CCDC3: variants seen among roughly 807,000 people sequenced by gnomAD.
The protein encoded by CCDC3 is coiled-coil domain-containing protein 3.
In CCDC3, 24 loss-of-function variants were observed where a neutral mutation model predicts 21.4. That is an observed-to-expected ratio of 1.12 (90% CI 0.81 to 1.58). CCDC3 has a LOEUF of 1.58. Among genes scored for constraint, CCDC3 ranks in the 40% most tolerant of loss-of-function variants. The probability of loss-of-function intolerance (pLI) is 0.00; values close to 1 mark genes in which losing one functional copy is unlikely to be tolerated. For missense variants in CCDC3, 425 were observed against 360.9 expected, an observed-to-expected ratio of 1.18 and a Z score of -1.44; for synonymous variants, 186 against 166.0, an observed-to-expected ratio of 1.12 and a Z score of -0.93.
intron 2 of CCDC3, among the ~76,000 whole-genome samples, chr10:12,931,262 CA>C (rs1487962214): frequency 6.8e-6 from 1 of 147,194 alleles, no homozygotes; most frequent in Non-Finnish European, 1.5e-5. Flanking sequence ...CTGCCGTATT[CA>C]TAAGACTTTA....
At chr10:13,008,357 G>A (rs1361491615) in intron 5 of CCDC3, among the ~76,000 whole-genome samples, 2 of 152,188 alleles carry the variant, frequency 1.3e-5, no homozygotes, top group Admixed American at 6.5e-5. Context: ...CCCAAGCCAG[G>A]GAGTCAGAGG....
intron 2 of CCDC3, chr10:12,924,556 G>A (rs941383909): frequency 6.6e-6 from 1 of 152,286 alleles, no homozygotes; most frequent in Non-Finnish European, 1.5e-5. Context: ...TGATCTCTAC[G>A]AGAGGCCCAA....
intron 2 of CCDC3, among the ~76,000 whole-genome samples, chr10:12,946,169 G>A (rs1453144719): frequency 6.6e-6 from 1 of 152,146 alleles, no homozygotes; most frequent in Non-Finnish European, 1.5e-5. Flanking sequence ...AACATAACAA[G>A]TCATTCAACA....
intron 3 of CCDC3, among the ~76,000 whole-genome samples, chr10:13,086,366 A>G (rs1837104832): frequency 6.6e-6 from 1 of 152,254 alleles, no homozygotes; most frequent in Non-Finnish European, 1.5e-5. Flanking sequence ...CAAGTCATTG[A>G]GTAAATATTC....
At chr10:13,004,572 A>C (rs1589037676), upstream of CCDC3, among the ~76,000 whole-genome samples, 2 of 94,258 alleles carry the variant, frequency 2.1e-5, no homozygotes, top group African/African-American at 4.2e-5. Context: ...CCCACCCCCC[A>C]CCCCAAGATG....
At chr10:13,024,890 T>A (rs571525478) in intron 5 of CCDC3, among the ~76,000 whole-genome samples, 1 of 152,308 alleles carries the variant, frequency 6.6e-6, no homozygotes, top group Admixed American at 6.5e-5. Flanking sequence ...CCCATAGGAA[T>A]CTCCTCATTG....
chr10:12,923,539 C>T (rs1255310564), intron 2 of CCDC3, among the ~76,000 whole-genome samples: 1 of 152,190 alleles, frequency 6.6e-6, no homozygotes, highest in African/African-American at 2.4e-5. Flanking sequence ...CTCTGGCCTC[C>T]TATGGCTCTT....
intron 2 of CCDC3, among the ~76,000 whole-genome samples, chr10:12,931,461 A>T (rs983757997): frequency 5.9e-5 from 9 of 152,240 alleles, no homozygotes; most frequent in East Asian, 5.8e-4. Context: ...GAATGAATTT[A>T]GAGTCCATCC....
intron 5 of CCDC3, among the ~76,000 whole-genome samples, chr10:13,032,293 C>T (rs1836315306): frequency 6.6e-6 from 1 of 152,134 alleles, no homozygotes; most frequent in African/African-American, 2.4e-5. Context: ...TTCAACAGCC[C>T]TTCATGCTAA....
chr10:13,078,213 A>G (rs559329293), intron 3 of CCDC3, among the ~76,000 whole-genome samples: 1 of 152,334 alleles, frequency 6.6e-6, no homozygotes, highest in Non-Finnish European at 1.5e-5. Flanking sequence ...ATGAACAGAC[A>G]CTTCTCAAAA....
intron 2 of CCDC3, among the ~76,000 whole-genome samples, chr10:12,982,838 C>A (rs929564312): frequency 2.1e-5 from 3 of 141,334 alleles, no homozygotes; most frequent in Admixed American, 7.2e-5. Context: ...CTATGCAGGG[C>A]ACAATGGCTC....
intron 2 of CCDC3, among the ~76,000 whole-genome samples, chr10:12,948,214 T>G (rs57811179): frequency 3.3e-5 from 5 of 152,010 alleles, no homozygotes; most frequent in Admixed American, 1.3e-4. Context: ...ACATAAGATG[T>G]GCCTTTGCTC....
intron 5 of CCDC3, among the ~76,000 whole-genome samples, chr10:13,028,825 C>T (rs1003214806): frequency 6.6e-6 from 1 of 152,162 alleles, no homozygotes; most frequent in Non-Finnish European, 1.5e-5. Flanking sequence ...TCCACCAAAA[C>T]CAAGCTTCTG....
intron 3 of CCDC3, among the ~76,000 whole-genome samples, chr10:13,085,525 G>A (rs191589200): frequency 1.3e-5 from 2 of 152,330 alleles, no homozygotes; most frequent in African/African-American, 4.8e-5. Flanking sequence ...CCCCACCTCC[G>A]TTGTGGGGCT....
rs545713453 is a variant in CCDC3, at chr10:12,951,332, G to A, written c.549+47006C>T. Among the ~76,000 whole-genome samples the A allele has an allele frequency of 2.2e-4, 33 of 152,146 alleles. 1 individual carries two copies. The South Asian group carries it at 6.4e-3, about 30-fold the overall frequency. ...GATTGCACCACTGCACTCCAGCCTGGGTGACAAAGTGAGACTGTCTCAAAA... is the reference window on the plus strand; with the variant it reads ...GATTGCACCACTGCACTCCAGCCTGAGTGACAAAGTGAGACTGTCTCAAAA... On this transcript the variant is annotated intron_variant, in intron 2 of 2. Coordinates refer to ENST00000378825, the MANE Select transcript of CCDC3 (RefSeq NM_031455.4).
At chr10:13,072,164 T>C (rs1379214226) in intron 4 of CCDC3, among the ~76,000 whole-genome samples, 2 of 152,166 alleles carry the variant, frequency 1.3e-5, no homozygotes, top group Non-Finnish European at 2.9e-5. Context: ...TTGATATATG[T>C]TTCCTAATAA....
intron 4 of CCDC3, among the ~76,000 whole-genome samples, chr10:13,071,565 C>A (rs866521943): frequency 9.2e-5 from 14 of 152,178 alleles, no homozygotes; most frequent in African/African-American, 3.4e-4. Context: ...TGGGTAAGAG[C>A]GGATATTCCC....
chr10:12,941,848 G>A (rs1346899457), intron 2 of CCDC3, among the ~76,000 whole-genome samples: 2 of 152,184 alleles, frequency 1.3e-5, no homozygotes, highest in African/African-American at 4.8e-5. Context: ...ATTAAGGAAG[G>A]AGATCTCCAT....
chr10:12,982,482 G>T (rs544313622), intron 2 of CCDC3, among the ~76,000 whole-genome samples: 1 of 150,702 alleles, frequency 6.6e-6, no homozygotes, highest in Admixed American at 6.6e-5. Context: ...TTCATATTAC[G>T]TGTTTTTTAC....
Sources: allele counts gnomAD v4.1 joint callset (sites outside exome capture counted in the v4.1 genomes callset), GRCh38; gene constraint gnomAD v4.1.1; transcripts MANE v1.5; gene names NCBI Gene and HGNC (gene_info 2026-07-23, HGNC 2026-07-21).